MAML3: variants seen among roughly 807,000 people sequenced by gnomAD.
MAML3 encodes the protein mastermind-like protein 3.
Under a neutral mutation model 101.9 loss-of-function variants are expected in MAML3, and 27 were observed. That is an observed-to-expected ratio of 0.27 (90% confidence interval 0.20 to 0.37). The LOEUF is 0.37. Among genes scored for constraint, MAML3 ranks in the 10% least tolerant of loss-of-function variants. The pLI is 1.00. For synonymous variants in MAML3, 501 were observed against 555.9 expected (o/e 0.90, Z 1.39); for missense variants, 1,316 against 1,444.9 (o/e 0.91, Z 1.45).
chr4:139,819,616 C>T (rs931083458), intron 2 of MAML3, among the ~76,000 whole-genome samples: 7 of 152,152 alleles, frequency 4.6e-5, no homozygotes, highest in African/African-American at 1.4e-4. Context: ...TATACTGCCA[C>T]CCGATAAGTG....
chr4:140,016,190 C>T (rs142372984), intron 1 of MAML3, among the ~76,000 whole-genome samples: 254 of 152,186 alleles, frequency 1.7e-3, no homozygotes, highest in Admixed American at 3.9e-3. Flanking sequence ...ACCATTTACA[C>T]TTACTGAAAG....
intron 1 of MAML3, among the ~76,000 whole-genome samples, chr4:139,892,198 T>C (rs1732513342): frequency 6.6e-6 from 1 of 152,230 alleles, no homozygotes; most frequent in Non-Finnish European, 1.5e-5. Flanking sequence ...CTAAATCCAA[T>C]GTTCTCCTGC....
rs115226760 is a variant in MAML3, at chr4:140,088,742, G to A, written c.468+64118C>T. On this transcript the variant is annotated intron_variant, in intron 1 of 4. Transcript: ENST00000509479. ...GGTATTTAAAAGCTTCTTAAGGAAT[G>A]TGAGTGTGCTTATCATAGTGCTTAG... 2.9e-3 allele frequency among the ~76,000 whole-genome samples: 437 copies of A among 152,198 alleles called. 2 individuals are homozygous for A. The highest frequency in any genetic ancestry group is 0.01 in the African/African-American group (416 of 41,540).
At chr4:140,080,045 A>G (rs1727838141) in intron 1 of MAML3, among the ~76,000 whole-genome samples, 1 of 152,170 alleles carries the variant, frequency 6.6e-6, no homozygotes, top group Non-Finnish European at 1.5e-5. Context: ...AAAATACGAT[A>G]CTCCCTTGAA....
At chr4:139,864,542 G>A (rs1731852519) in intron 2 of MAML3, among the ~76,000 whole-genome samples, 1 of 151,906 alleles carries the variant, frequency 6.6e-6, no homozygotes, top group South Asian at 2.1e-4. Context: ...TGGGTGTGGT[G>A]GTGTGTACCT....
chr4:139,888,294 C>T (rs915421203), intron 2 of MAML3, among the ~76,000 whole-genome samples: 1 of 152,214 alleles, frequency 6.6e-6, no homozygotes. Flanking sequence ...CCTACCCAAG[C>T]ACTAGTTAGA....
At chr4:139,998,063 G>A (rs879551146) in intron 1 of MAML3, among the ~76,000 whole-genome samples, 3 of 152,046 alleles carry the variant, frequency 2.0e-5, no homozygotes, top group Non-Finnish European at 4.4e-5. Flanking sequence ...GGGAGTGTTT[G>A]ACTATATTTC....
At chr4:139,980,905 T>C (rs764976166) in intron 1 of MAML3, among the ~76,000 whole-genome samples, 1 of 152,236 alleles carries the variant, frequency 6.6e-6, no homozygotes, top group African/African-American at 2.4e-5. Flanking sequence ...AGCCAGAGAA[T>C]ACTCCTCTCT....
chr4:140,004,631 A>C (rs938022), intron 1 of MAML3, among the ~76,000 whole-genome samples: 79,204 of 151,694 alleles, frequency 0.52, 21,311 homozygotes, highest in East Asian at 0.64. Flanking sequence ...GTGACACAAG[A>C]TACCCACCGC....
intron 1 of MAML3, among the ~76,000 whole-genome samples, chr4:139,918,880 A>G (rs1372217208): frequency 1.3e-5 from 2 of 152,192 alleles, no homozygotes; most frequent in African/African-American, 4.8e-5. Context: ...TACCTAGCAG[A>G]GTACCGCGCA....
chr4:139,951,447 G>C (rs1316674055), intron 1 of MAML3, among the ~76,000 whole-genome samples: 8 of 152,196 alleles, frequency 5.3e-5, no homozygotes, highest in Non-Finnish European at 1.2e-4. Context: ...GTCACAGGTT[G>C]GCCTGTGGAG....
At chr4:139,721,680 A>G (rs1366690744) in intron 4 of MAML3, among the ~76,000 whole-genome samples, 1 of 152,202 alleles carries the variant, frequency 6.6e-6, no homozygotes, top group Non-Finnish European at 1.5e-5. Context: ...GTGGCTTGAG[A>G]TCAATATCAT....
chr4:140,094,155 T>C (rs1252154102), intron 1 of MAML3, among the ~76,000 whole-genome samples: 1 of 152,112 alleles, frequency 6.6e-6, no homozygotes, highest in African/African-American at 2.4e-5. Context: ...TACATCAGGA[T>C]TTCATCCAGG....
At chr4:139,726,521 T>C (rs1728479445) in intron 3 of MAML3, among the ~76,000 whole-genome samples, 1 of 152,194 alleles carries the variant, frequency 6.6e-6, no homozygotes, top group African/African-American at 2.4e-5. Flanking sequence ...CCTGCATGCT[T>C]TCCTTAGGCT....
At chr4:140,032,461 GT>G (rs1429409352) in intron 1 of MAML3, among the ~76,000 whole-genome samples, 1 of 152,116 alleles carries the variant, frequency 6.6e-6, no homozygotes, top group Non-Finnish European at 1.5e-5. Context: ...TTGTTAATTG[GT>G]TTTAGTAAAC....
In MAML3 at chr4:139,753,070, G is replaced by C. The variant is rs765064253; in HGVS notation, c.2080-22403C>G. ...CGTCTTGAATCCTGTTTCAGGAGAG[G>C]GCTCAGCCAGTGAAAAACAGATTTG... On this transcript the variant is annotated intron_variant, in intron 2 of 4. Coordinates refer to ENST00000509479, the MANE Select transcript of MAML3 (RefSeq NM_018717.5). Among the ~76,000 whole-genome samples, 13 of 152,130 alleles carry C rather than the reference G, an allele frequency of 8.5e-5. No homozygotes were observed. The South Asian group carries it at 2.5e-3, about 29-fold the overall frequency.
At chr4:139,884,135 C>T (rs1477572000) in intron 2 of MAML3, among the ~76,000 whole-genome samples, 2 of 152,040 alleles carry the variant, frequency 1.3e-5, no homozygotes, top group African/African-American at 2.4e-5. Context: ...CCACCCGACT[C>T]GGCCTCCTAA....
intron 3 of MAML3, among the ~76,000 whole-genome samples, chr4:139,729,878 G>C (rs1294314560): frequency 6.6e-6 from 1 of 152,186 alleles, no homozygotes; most frequent in African/African-American, 2.4e-5. Context: ...TCTTAAGTTT[G>C]CACCCTGTGT....
At chr4:139,869,905 G>A (rs1020273001) in intron 2 of MAML3, among the ~76,000 whole-genome samples, 3 of 152,236 alleles carry the variant, frequency 2.0e-5, no homozygotes, top group Admixed American at 1.3e-4. Context: ...CATTCGGTGA[G>A]TGTCAACATG....
Sources: gnomAD v4.1 joint callset for allele counts (sites outside exome capture counted in the v4.1 genomes callset) on GRCh38, gnomAD v4.1.1 for gene constraint, MANE v1.5 for transcripts, NCBI Gene and HGNC (gene_info 2026-07-23, HGNC 2026-07-21) for gene names.